Variants in RUNX2 observed in about 807,000 individuals in gnomAD.
The protein encoded by RUNX2 is runt-related transcription factor 2.
RUNX2 carries 10 observed loss-of-function variants against 51.7 expected under a neutral mutation model. The observed-to-expected ratio is 0.19, with a 90% CI of 0.12 to 0.33. The LOEUF (loss-of-function observed/expected upper bound fraction) is 0.33. Among genes scored for constraint, RUNX2 ranks in the 10% least tolerant of loss-of-function variants. The pLI, the probability that RUNX2 is intolerant of heterozygous loss-of-function variation, is 1.00. For synonymous variants in RUNX2, 276 were observed against 273.6 expected, an observed-to-expected ratio of 1.01 and a Z score of -0.09; for missense variants, 562 against 691.3, an observed-to-expected ratio of 0.81 and a Z score of 2.10.
At chr6:45,544,750 G>A (rs1394354449) in intron 7 of RUNX2, among the ~76,000 whole-genome samples, 1 of 152,210 alleles carries the variant, frequency 6.6e-6, no homozygotes, top group Non-Finnish European at 1.5e-5. Flanking sequence ...CAATGCAGAG[G>A]CTGCCTGAGG....
At chr6:45,369,367 C>T (rs1304957159) in intron 2 of RUNX2, among the ~76,000 whole-genome samples, 2 of 152,122 alleles carry the variant, frequency 1.3e-5, no homozygotes, top group Non-Finnish European at 2.9e-5. Flanking sequence ...GATATGTAAA[C>T]AAAAGAAATT....
In RUNX2 at chr6:45,422,767, C is replaced by T. The variant is rs749974335; in HGVS notation, c.233C>T (p.Ala78Val). The change falls in exon 3 of 9, where the codon GCG becomes GTG. Residue 78 changes from alanine (A) to valine (V), a missense_variant. Around this residue, in one of 5 missense-constraint regions of RUNX2, gnomAD observed 153 missense variants for 144.8 expected, o/e 1.06. Transcript: ENST00000647337. ...CAGCAGGAGGCGGCGGCGGCGGCTG[C>T]GGCGGCGGCGGCGGCTGCGGCGGCG... ...QQQQEAAAAA[A>V]AAAAAAAAAA... 1 of 1,243,486 alleles carries T rather than the reference C, an allele frequency of 8.0e-7. No homozygotes were observed. 77.0% of individuals were successfully genotyped at this position (1,243,486 alleles called of 1,614,324 possible). A position where few individuals can be genotyped will look rare whatever the true frequency, so the allele number is the denominator to read the frequency against.
At chr6:45,503,212 T>C (rs533825172) in intron 6 of RUNX2, among the ~76,000 whole-genome samples, 27 of 152,298 alleles carry the variant, frequency 1.8e-4, no homozygotes, top group African/African-American at 6.5e-4. Flanking sequence ...AATGCCTGTC[T>C]CTCCTACCCA....
chr6:45,401,894 A>G (rs1221791856), intron 2 of RUNX2, among the ~76,000 whole-genome samples: 1 of 152,234 alleles, frequency 6.6e-6, no homozygotes, highest in African/African-American at 2.4e-5. Context: ...AAACTCATGT[A>G]TCCTTGTCAA....
chr6:45,390,005 C>A (rs1225140671), intron 2 of RUNX2, among the ~76,000 whole-genome samples: 5 of 144,132 alleles, frequency 3.5e-5, no homozygotes, highest in African/African-American at 5.1e-5. Flanking sequence ...GACTCTGTCT[C>A]AAAAAAAAAA....
intron 2 of RUNX2, among the ~76,000 whole-genome samples, chr6:45,404,583 A>G (rs73737405): frequency 0.014 from 2,115 of 152,306 alleles, 57 homozygotes; most frequent in African/African-American, 0.048. Flanking sequence ...ATTCTTTAAA[A>G]TATCTATGCA....
chr6:45,489,892 T>C (rs1800408973), intron 5 of RUNX2, among the ~76,000 whole-genome samples: 1 of 152,238 alleles, frequency 6.6e-6, no homozygotes, highest in South Asian at 2.1e-4. Flanking sequence ...TTGCTACTTC[T>C]GCTTATGTTG....
At chr6:45,379,111 T>C (rs1797155716) in intron 2 of RUNX2, among the ~76,000 whole-genome samples, 1 of 152,250 alleles carries the variant, frequency 6.6e-6, no homozygotes, top group Admixed American at 6.5e-5. Context: ...CTGTGGATTG[T>C]AGTTGAGTCT....
At chr6:45,501,739 C>G (rs1174743182) in intron 6 of RUNX2, among the ~76,000 whole-genome samples, 1 of 152,146 alleles carries the variant, frequency 6.6e-6, no homozygotes, top group Admixed American at 6.5e-5. Flanking sequence ...TTCTAGGAGA[C>G]AGTTTTTTAG....
At chr6:45,532,759 G>A (rs1486957123) in intron 7 of RUNX2, among the ~76,000 whole-genome samples, 1 of 152,152 alleles carries the variant, frequency 6.6e-6, no homozygotes, top group East Asian at 1.9e-4. Flanking sequence ...ATCTGGAGTG[G>A]ACTCAGTGGA....
intron 2 of RUNX2, among the ~76,000 whole-genome samples, chr6:45,335,695 C>T (rs1788403421): frequency 6.6e-6 from 1 of 151,210 alleles, no homozygotes; most frequent in Non-Finnish European, 1.5e-5. Context: ...GCATTTCATA[C>T]TAAGAACCTA....
intron 2 of RUNX2, among the ~76,000 whole-genome samples, chr6:45,334,449 CAAAAAAAAA>C (rs551014969): frequency 1.1e-5 from 1 of 91,760 alleles, no homozygotes; most frequent in Non-Finnish European, 2.1e-5. Flanking sequence ...TCAGGAAAAG[CAAAAAAAAA>C]AAAAAAAAAA....
intron 2 of RUNX2, among the ~76,000 whole-genome samples, chr6:45,361,921 C>T (rs1737322863): frequency 6.6e-6 from 1 of 152,120 alleles, no homozygotes; most frequent in Non-Finnish European, 1.5e-5. Context: ...CGTGGTAGCG[C>T]ATGCCTGTAT....
chr6:45,509,170 GC>G (rs1481383714), intron 6 of RUNX2, among the ~76,000 whole-genome samples: 4 of 152,136 alleles, frequency 2.6e-5, no homozygotes, highest in Non-Finnish European at 5.9e-5. Flanking sequence ...GAGAAACACA[GC>G]CCAGGTCACA....
chr6:45,420,361 G>C (rs1798153731), intron 2 of RUNX2, among the ~76,000 whole-genome samples: 1 of 152,232 alleles, frequency 6.6e-6, no homozygotes. Context: ...GGCTCAGCGA[G>C]TGGGAGCAAA....
intron 6 of RUNX2, among the ~76,000 whole-genome samples, chr6:45,512,022 G>A (rs1427110196): frequency 3.9e-5 from 6 of 151,978 alleles, no homozygotes; most frequent in African/African-American, 1.2e-4. Context: ...CATCCATTTT[G>A]TTGCTTTCAT....
intron 5 of RUNX2, among the ~76,000 whole-genome samples, chr6:45,484,162 C>G (rs766923641): frequency 6.6e-6 from 1 of 152,110 alleles, no homozygotes; most frequent in African/African-American, 2.4e-5. Context: ...GGCTGCTACT[C>G]TGTTGTATTA....
chr6:45,453,390 C>T (rs947296712), intron 5 of RUNX2, among the ~76,000 whole-genome samples: 15 of 152,198 alleles, frequency 9.9e-5, no homozygotes, highest in Non-Finnish European at 2.2e-4. Context: ...TCCATATTTT[C>T]TGCAGTAACT....
intron 2 of RUNX2, among the ~76,000 whole-genome samples, chr6:45,376,526 T>G (rs953292147): frequency 2.6e-5 from 4 of 152,216 alleles, no homozygotes; most frequent in African/African-American, 9.6e-5. Flanking sequence ...CTACCACTAG[T>G]GCCTAAAGGC....
Sources: allele counts gnomAD v4.1 joint callset (sites outside exome capture counted in the v4.1 genomes callset), GRCh38; gene constraint gnomAD v4.1.1; regional missense constraint gnomAD v4.1.1; transcripts MANE v1.5; gene names NCBI Gene and HGNC (gene_info 2026-07-23, HGNC 2026-07-21).